Variants in PACRG observed in about 807,000 individuals in gnomAD.
PACRG encodes the protein parkin coregulated gene protein.
Under a neutral mutation model 29.7 loss-of-function variants are expected in PACRG, and 29 were observed. That is an observed-to-expected ratio of 0.98 (90% CI 0.73 to 1.33). The LOEUF is 1.33. Among genes scored for constraint, PACRG ranks in the 40% most tolerant of loss-of-function variants. The probability of loss-of-function intolerance (pLI) is 0.00; values close to 1 mark genes in which losing one functional copy is unlikely to be tolerated. For synonymous variants in PACRG, 116 were observed against 118.7 expected (o/e 0.98, Z 0.15); for missense variants, 279 against 316.2 (o/e 0.88, Z 0.89).
At chr6:162,752,176 G>A (rs1317775202) in intron 1 of PACRG, among the ~76,000 whole-genome samples, 1 of 152,122 alleles carries the variant, frequency 6.6e-6, no homozygotes, top group African/African-American at 2.4e-5. Flanking sequence ...CCTCGAAGAA[G>A]CAAAGCTCTA....
intron 2 of PACRG, among the ~76,000 whole-genome samples, chr6:163,059,138 A>C (rs374144389): frequency 6.6e-6 from 1 of 152,096 alleles, no homozygotes; most frequent in Non-Finnish European, 1.5e-5. Flanking sequence ...TTTTGTAGGA[A>C]AGAACTGCTG....
At chr6:163,018,488 A>G (rs1390198493) in intron 2 of PACRG, among the ~76,000 whole-genome samples, 1 of 152,182 alleles carries the variant, frequency 6.6e-6, no homozygotes. Context: ...TTGAGACTTC[A>G]TATTGGAAAG....
intron 4 of PACRG, among the ~76,000 whole-genome samples, chr6:163,284,696 CA>C (rs947433712): frequency 3.0e-4 from 46 of 152,238 alleles, no homozygotes; most frequent in African/African-American, 1.1e-3. Context: ...GAGCCGCCCC[CA>C]ACCCCCGCTC....
intron 2 of PACRG, among the ~76,000 whole-genome samples, chr6:162,852,005 G>GAGGAAGGAAGGAAAGGA (rs1031155296): frequency 5.2e-5 from 6 of 116,032 alleles, no homozygotes; most frequent in South Asian, 2.8e-4. Flanking sequence ...GGGAGGGAGG[G>GAGGAAGGAAGGAAAGGA]AGGAAGGAAG....
At chr6:163,207,270 G>C (rs1416535485) in intron 4 of PACRG, among the ~76,000 whole-genome samples, 1 of 152,014 alleles carries the variant, frequency 6.6e-6, no homozygotes, top group African/African-American at 2.4e-5. Context: ...TTAGAGTATG[G>C]GTAGTCTGTC....
intron 2 of PACRG, among the ~76,000 whole-genome samples, chr6:162,843,670 T>C (rs1323176434): frequency 3.6e-5 from 5 of 137,218 alleles, no homozygotes; most frequent in South Asian, 2.7e-4. Context: ...GGAGGAGAGG[T>C]GCTCTGCGTT....
intron 4 of PACRG, among the ~76,000 whole-genome samples, chr6:163,130,306 C>T (rs1047370368): frequency 4.6e-5 from 7 of 152,126 alleles, no homozygotes; most frequent in Non-Finnish European, 7.3e-5. Flanking sequence ...TGTGTCTGTC[C>T]GGAGAACCCT....
chr6:162,984,457 T>A (rs113399229), intron 2 of PACRG, among the ~76,000 whole-genome samples: 1 of 152,096 alleles, frequency 6.6e-6, no homozygotes, highest in African/African-American at 2.4e-5. Context: ...ATTTTTACAA[T>A]TGCAAATTGT....
At chr6:162,889,744 T>C (rs981113702) in intron 2 of PACRG, among the ~76,000 whole-genome samples, 2 of 152,270 alleles carry the variant, frequency 1.3e-5, no homozygotes, top group Non-Finnish European at 2.9e-5. Context: ...CTGAGTTTTA[T>C]AGTCCGGTTA....
intron 2 of PACRG, among the ~76,000 whole-genome samples, chr6:162,854,682 A>G (rs954657151): frequency 2.6e-5 from 4 of 152,196 alleles, no homozygotes; most frequent in African/African-American, 9.6e-5. Flanking sequence ...GAGTATGACT[A>G]AAAAGGCCTC....
chr6:162,823,833 A>G (rs1788051000), intron 2 of PACRG, among the ~76,000 whole-genome samples: 1 of 151,880 alleles, frequency 6.6e-6, no homozygotes, highest in Non-Finnish European at 1.5e-5. Flanking sequence ...TATGTTTTCT[A>G]TTTTTGTTGG....
At chr6:163,276,579 G>A (rs566917097) in intron 4 of PACRG, among the ~76,000 whole-genome samples, 19 of 152,166 alleles carry the variant, frequency 1.2e-4, no homozygotes, top group African/African-American at 4.3e-4. Context: ...GGGTTGCCGT[G>A]GTCGGAATGT....
intron 4 of PACRG, among the ~76,000 whole-genome samples, chr6:163,214,633 CT>C (rs1781291305): frequency 6.6e-6 from 1 of 151,748 alleles, no homozygotes; most frequent in Non-Finnish European, 1.5e-5. Flanking sequence ...ATTTCAATGT[CT>C]TTTACTATAT....
At chr6:163,130,141 A>G (rs1816676022) in intron 4 of PACRG, among the ~76,000 whole-genome samples, 1 of 152,198 alleles carries the variant, frequency 6.6e-6, no homozygotes, top group Non-Finnish European at 1.5e-5. Context: ...ACAGGGCTGC[A>G]TAGTCACTTA....
chr6:162,845,384 T>C (rs920166700), intron 2 of PACRG, among the ~76,000 whole-genome samples: 1 of 152,040 alleles, frequency 6.6e-6, no homozygotes, highest in Admixed American at 6.6e-5. Flanking sequence ...ATCATCAATT[T>C]TTTTTTCTTT....
chr6:163,104,982 G>A (rs1815302834), intron 4 of PACRG, among the ~76,000 whole-genome samples: 1 of 151,998 alleles, frequency 6.6e-6, no homozygotes, highest in Non-Finnish European at 1.5e-5. Context: ...TTCAAAATAA[G>A]GCACTAATCT....
chr6:163,044,397 G>T (rs553146704), intron 2 of PACRG, among the ~76,000 whole-genome samples: 3 of 152,150 alleles, frequency 2.0e-5, no homozygotes, highest in Admixed American at 1.3e-4. Context: ...TAATTCCTGG[G>T]CTCAAGCAAT....
intron 3 of PACRG, among the ~76,000 whole-genome samples, chr6:163,073,383 A>G (rs1164046942): frequency 6.6e-6 from 1 of 152,202 alleles, no homozygotes; most frequent in Non-Finnish European, 1.5e-5. Context: ...ATCCATATGC[A>G]CAAGAATGAA....
At chr6:162,962,286 C>T (rs916379472) in intron 2 of PACRG, among the ~76,000 whole-genome samples, 1 of 144,966 alleles carries the variant, frequency 6.9e-6, no homozygotes, top group Admixed American at 6.7e-5. Flanking sequence ...CTTACTCATG[C>T]TTGTACTCCA....
Sources: gnomAD v4.1 joint callset for allele counts (sites outside exome capture counted in the v4.1 genomes callset) on GRCh38, gnomAD v4.1.1 for gene constraint, MANE v1.5 for transcripts, NCBI Gene and HGNC (gene_info 2026-07-23, HGNC 2026-07-21) for gene names.